Variants in NRXN3 observed in about 807,000 individuals in gnomAD.
NRXN3 encodes the protein neurexin 3, also known as neurexin III.
A neutral mutation model predicts 137.6 loss-of-function variants in NRXN3; 32 were observed. The ratio of observed to expected loss-of-function variants is 0.23; its 90% CI spans 0.18 to 0.31. NRXN3 has a LOEUF of 0.31. Ranked by LOEUF, NRXN3 falls within the 10% of genes least tolerant of loss-of-function variation. The pLI, the probability that NRXN3 is intolerant of heterozygous loss-of-function variation, is 1.00. For synonymous variants in NRXN3, 798 were observed against 784.5 expected (o/e 1.02, Z -0.29); for missense variants, 1,574 against 2,062.5 (o/e 0.76, Z 4.59).
At chr14:78,677,602 A>T (rs900326112) in intron 6 of NRXN3, among the ~76,000 whole-genome samples, 1 of 152,186 alleles carries the variant, frequency 6.6e-6, no homozygotes, top group African/African-American at 2.4e-5. Flanking sequence ...ACGACAACAA[A>T]GGACTTAGAA....
intron 4 of NRXN3, among the ~76,000 whole-genome samples, chr14:78,479,559 A>T (rs79860139): frequency 0.035 from 5,317 of 152,314 alleles, 302 homozygotes; most frequent in East Asian, 0.31. Flanking sequence ...CCCAGAACAT[A>T]CTTATTAAAA....
chr14:79,780,453 A>C (rs1387596648), intron 19 of NRXN3, among the ~76,000 whole-genome samples: 2 of 151,364 alleles, frequency 1.3e-5, no homozygotes, highest in African/African-American at 4.9e-5. Flanking sequence ...ACAAAAAAAA[A>C]ACAAAATTAG....
chr14:78,582,891 A>T (rs543395049), intron 4 of NRXN3, among the ~76,000 whole-genome samples: 1 of 152,226 alleles, frequency 6.6e-6, no homozygotes, highest in Non-Finnish European at 1.5e-5. Flanking sequence ...TGTTCTGCAG[A>T]GTTAACAACC....
At chr14:79,721,831 G>C (rs918975184) in intron 19 of NRXN3, among the ~76,000 whole-genome samples, 1 of 152,070 alleles carries the variant, frequency 6.6e-6, no homozygotes, top group Admixed American at 6.6e-5. Flanking sequence ...TAAAGCAAGA[G>C]GTAGGGTGTG....
chr14:78,800,600 G>C (rs992559824), intron 8 of NRXN3, among the ~76,000 whole-genome samples: 2 of 152,218 alleles, frequency 1.3e-5, no homozygotes, highest in Non-Finnish European at 2.9e-5. Context: ...ATGTGCAGCT[G>C]TTAGCATGTC....
At chr14:78,434,138 G>A (rs974911861) in intron 4 of NRXN3, among the ~76,000 whole-genome samples, 3 of 152,116 alleles carry the variant, frequency 2.0e-5, no homozygotes, top group Non-Finnish European at 2.9e-5. Context: ...ATGTTGTACT[G>A]AAAGTGAAAA....
intron 4 of NRXN3, among the ~76,000 whole-genome samples, chr14:78,350,372 A>T (rs1192248198): frequency 6.6e-6 from 1 of 152,092 alleles, no homozygotes; most frequent in Non-Finnish European, 1.5e-5. Flanking sequence ...TGACCAGGAA[A>T]GATTGCTGAG....
At chr14:78,915,277 A>G (rs1429300550) in intron 10 of NRXN3, among the ~76,000 whole-genome samples, 2 of 134,674 alleles carry the variant, frequency 1.5e-5, no homozygotes, top group Non-Finnish European at 3.1e-5. Context: ...AAACACTGGT[A>G]TTTAATATAT....
chr14:79,162,462 G>A (rs191640751), intron 15 of NRXN3, among the ~76,000 whole-genome samples: 19 of 152,020 alleles, frequency 1.2e-4, no homozygotes, highest in Non-Finnish European at 2.5e-4. Flanking sequence ...TCCCTACAAA[G>A]GACGTGAACT....
Position 79,129,019 on chromosome 14 carries a change from A to T in NRXN3, c.3262+140878A>T, listed in dbSNP as rs1279866423. 1.2e-4 allele frequency among the ~76,000 whole-genome samples: 19 copies of T among 152,108 alleles called. 1 individual carries two copies. Among genetic ancestry groups the T allele is most frequent in the South Asian group, 1.2e-3 (6 of 4,812 alleles). On this transcript the variant is annotated intron_variant, in intron 15 of 20. Transcript: ENST00000335750. ...GTTTGTATTTCTGTGGGATCGGTGG[A>T]GATATCCCCTTTATCATTTTTTATT...
chr14:78,457,206 T>C (rs751553861), intron 4 of NRXN3, among the ~76,000 whole-genome samples: 1 of 151,940 alleles, frequency 6.6e-6, no homozygotes, highest in Non-Finnish European at 1.5e-5. Context: ...ACTCAGCTAA[T>C]TGTTGTATTT....
chr14:79,126,892 T>C (rs1229083775), intron 15 of NRXN3, among the ~76,000 whole-genome samples: 1 of 152,200 alleles, frequency 6.6e-6, no homozygotes, highest in Non-Finnish European at 1.5e-5. Flanking sequence ...TGGTATCTCA[T>C]TGTGGTTTTG....
At chr14:79,097,996 A>C (rs1338334986) in intron 15 of NRXN3, among the ~76,000 whole-genome samples, 1 of 152,164 alleles carries the variant, frequency 6.6e-6, no homozygotes, top group African/African-American at 2.4e-5. Context: ...ATACCCCAAC[A>C]AAGTGTTTGT....
intron 10 of NRXN3, among the ~76,000 whole-genome samples, chr14:78,836,293 T>C (rs928902820): frequency 9.9e-5 from 15 of 152,228 alleles, no homozygotes; most frequent in Admixed American, 9.2e-4. Context: ...GAAAAACAAC[T>C]TTCTCCTTAT....
chr14:79,638,148 T>C (rs1458124953), intron 16 of NRXN3, among the ~76,000 whole-genome samples: 1 of 152,176 alleles, frequency 6.6e-6, no homozygotes, highest in Non-Finnish European at 1.5e-5. Flanking sequence ...TTGTCCCCCA[T>C]GCCCCTCCTT....
intron 10 of NRXN3, among the ~76,000 whole-genome samples, chr14:78,864,015 T>A (rs1163412518): frequency 6.6e-6 from 1 of 152,132 alleles, no homozygotes; most frequent in Admixed American, 6.6e-5. Context: ...TCTTTGAAAT[T>A]GGTAAAATAA....
intron 14 of NRXN3, among the ~76,000 whole-genome samples, chr14:78,973,887 A>G (rs2099453908): frequency 6.6e-6 from 1 of 152,186 alleles, no homozygotes; most frequent in Admixed American, 6.5e-5. Flanking sequence ...CTTTTCATCT[A>G]AAAAGATCAT....
intron 15 of NRXN3, among the ~76,000 whole-genome samples, chr14:79,381,516 T>G (rs953703697): frequency 6.6e-6 from 1 of 152,196 alleles, no homozygotes; most frequent in Non-Finnish European, 1.5e-5. Context: ...CTATGCTTCT[T>G]TTCCTCTGAG....
intron 15 of NRXN3, among the ~76,000 whole-genome samples, chr14:79,146,483 T>A (rs979846663): frequency 6.6e-6 from 1 of 152,068 alleles, no homozygotes; most frequent in Admixed American, 6.5e-5. Flanking sequence ...AAAGTTATAA[T>A]ATCTGATAAG....
Sources: gnomAD v4.1 joint callset for allele counts (sites outside exome capture counted in the v4.1 genomes callset) on GRCh38, gnomAD v4.1.1 for gene constraint, MANE v1.5 for transcripts, NCBI Gene and HGNC (gene_info 2026-07-23, HGNC 2026-07-21) for gene names.